NDUFS4: variants seen among roughly 807,000 people sequenced by gnomAD.
NDUFS4 encodes NADH dehydrogenase [ubiquinone] iron-sulfur protein 4, mitochondrial.
In NDUFS4, 28 loss-of-function variants were observed where a neutral mutation model predicts 24.3. The ratio of observed to expected loss-of-function variants is 1.15; its 90% CI spans 0.85 to 1.58. The LOEUF is 1.58. Among genes scored for constraint, NDUFS4 ranks in the 40% most tolerant of loss-of-function variants. The probability of loss-of-function intolerance (pLI) is 0.00; values close to 1 mark genes in which losing one functional copy is unlikely to be tolerated. For synonymous variants in NDUFS4, 93 were observed against 69.7 expected (o/e 1.34, Z -1.67); for missense variants, 223 against 207.9 (o/e 1.07, Z -0.45).
intron 2 of NDUFS4, among the ~76,000 whole-genome samples, chr5:53,629,183 G>C (rs1579895089): frequency 6.6e-6 from 1 of 152,140 alleles, no homozygotes. Context: ...ATGTAGTTTT[G>C]TAGTTTTGAG....
At chr5:53,618,942 C>G (rs748579420) in intron 2 of NDUFS4, among the ~76,000 whole-genome samples, 1 of 150,750 alleles carries the variant, frequency 6.6e-6, no homozygotes, top group Non-Finnish European at 1.5e-5. Context: ...GGTGAAACCC[C>G]GTCCCTACTA....
intron 2 of NDUFS4, among the ~76,000 whole-genome samples, chr5:53,611,201 T>G (rs1326852375): frequency 4.6e-5 from 7 of 151,562 alleles, no homozygotes; most frequent in Non-Finnish European, 1.0e-4. Flanking sequence ...AAGAAAAACT[T>G]GTGGTTTTTT....
intron 4 of NDUFS4, among the ~76,000 whole-genome samples, chr5:53,665,294 C>T (rs534168882): frequency 1.6e-4 from 25 of 152,302 alleles, no homozygotes; most frequent in Middle Eastern, 3.4e-3. Flanking sequence ...CTTGAGGAGG[C>T]AGTCTGTCCG....
chr5:53,604,943 A>T (rs1235773216), intron 2 of NDUFS4: 2 of 449,998 alleles, frequency 4.4e-6, no homozygotes, highest in East Asian at 1.4e-4. Context: ...AATGAGGGGC[A>T]GGGCATGGTG....
chr5:53,615,807 A>G (rs1750820482), intron 2 of NDUFS4, among the ~76,000 whole-genome samples: 1 of 152,136 alleles, frequency 6.6e-6, no homozygotes. Context: ...TTCTCTAAAC[A>G]ACATATAGGA....
intron 2 of NDUFS4, among the ~76,000 whole-genome samples, chr5:53,608,659 A>G (rs1046202855): frequency 1.3e-5 from 2 of 152,238 alleles, no homozygotes; most frequent in Non-Finnish European, 2.9e-5. Context: ...ATGAGATTGT[A>G]GCAATTTAAT....
chr5:53,570,882 C>G (rs1749190865), intron 1 of NDUFS4, among the ~76,000 whole-genome samples: 1 of 151,758 alleles, frequency 6.6e-6, no homozygotes, highest in Non-Finnish European at 1.5e-5. Flanking sequence ...CGGAGTTTCA[C>G]CATGTTGGTC....
At chr5:53,662,605 G>A (rs1444537052) in intron 4 of NDUFS4, among the ~76,000 whole-genome samples, 1 of 152,042 alleles carries the variant, frequency 6.6e-6, no homozygotes. Context: ...GTAGAATTCG[G>A]CTGTGAATCC....
chr5:53,592,014 CTG>C lies in NDUFS4; in HGVS notation c.99-11436_99-11435del, dbSNP rs566727459. 2.8e-4 allele frequency among the ~76,000 whole-genome samples: 43 copies of C among 152,124 alleles called. 1 individual carries two copies. In the South Asian group the frequency reaches 8.3e-3, roughly 29 times the overall value. On this transcript the variant is annotated intron_variant, in intron 1 of 4. Coordinates refer to ENST00000296684, the MANE Select transcript of NDUFS4 (RefSeq NM_002495.4). ...TGCAGTGTGGCGCAATCTTGGCTCACTGTAACCTCTGCCTCCCAGGTTCAGGT... is the reference window on the plus strand; with the variant it reads ...TGCAGTGTGGCGCAATCTTGGCTCACTAACCTCTGCCTCCCAGGTTCAGGT...
chr5:53,672,984 A>T (rs1740330174), intron 4 of NDUFS4, among the ~76,000 whole-genome samples: 1 of 152,208 alleles, frequency 6.6e-6, no homozygotes, highest in Admixed American at 6.5e-5. Context: ...AGAAGTAAAG[A>T]TGCAACCAAG....
intron 1 of NDUFS4, among the ~76,000 whole-genome samples, chr5:53,579,167 G>A (rs544643371): frequency 4.3e-4 from 65 of 151,902 alleles, no homozygotes; most frequent in African/African-American, 1.4e-3. Flanking sequence ...GCTTTACTCC[G>A]TCTCAGTTTT....
chr5:53,630,147 T>G (rs1751365244), intron 2 of NDUFS4, among the ~76,000 whole-genome samples: 1 of 152,208 alleles, frequency 6.6e-6, no homozygotes, highest in African/African-American at 2.4e-5. Flanking sequence ...GAAGCTTAAT[T>G]TGGCTGGGTA....
intron 2 of NDUFS4, among the ~76,000 whole-genome samples, chr5:53,606,757 T>C (rs1190158996): frequency 6.6e-6 from 1 of 152,240 alleles, no homozygotes; most frequent in Non-Finnish European, 1.5e-5. Flanking sequence ...CATAACCTAA[T>C]CACCTCACAT....
chr5:53,595,884 T>G (rs1427701597), intron 1 of NDUFS4, among the ~76,000 whole-genome samples: 2 of 152,164 alleles, frequency 1.3e-5, no homozygotes, highest in East Asian at 3.9e-4. Context: ...TAATCCTTAC[T>G]TTTTCCTCCT....
chr5:53,604,768 A>G (rs1399995598), intron 2 of NDUFS4: 1 of 456,226 alleles, frequency 2.2e-6, no homozygotes, highest in Admixed American at 2.3e-5. Context: ...GTCTAGCCAC[A>G]CCAAGCCTGG....
intron 1 of NDUFS4, among the ~76,000 whole-genome samples, chr5:53,602,506 G>T (rs531298028): frequency 3.3e-5 from 5 of 152,146 alleles, no homozygotes; most frequent in African/African-American, 1.2e-4. Context: ...ATATGGCTGT[G>T]TACACATTAT....
At chr5:53,590,883 A>G (rs1234626629) in intron 1 of NDUFS4, among the ~76,000 whole-genome samples, 1 of 152,180 alleles carries the variant, frequency 6.6e-6, no homozygotes, top group East Asian at 1.9e-4. Flanking sequence ...TATCTCCAGA[A>G]CTTTTTCATC....
intron 1 of NDUFS4, among the ~76,000 whole-genome samples, chr5:53,602,050 G>A (rs11948680): frequency 4.3e-4 from 66 of 152,194 alleles, no homozygotes; most frequent in Admixed American, 7.2e-4. Context: ...AAAATGTATC[G>A]TACAAGGATG....
intron 2 of NDUFS4, among the ~76,000 whole-genome samples, chr5:53,620,432 A>G (rs944003219): frequency 1.3e-5 from 2 of 152,180 alleles, no homozygotes; most frequent in Non-Finnish European, 2.9e-5. Flanking sequence ...ATCAACTTAC[A>G]AATTTATGTA....
Sources: allele counts gnomAD v4.1 joint callset (sites outside exome capture counted in the v4.1 genomes callset), GRCh38; gene constraint gnomAD v4.1.1; transcripts MANE v1.5; gene names NCBI Gene and HGNC (gene_info 2026-07-23, HGNC 2026-07-21).